Variants in SNTG2 observed in about 807,000 individuals in gnomAD.
The protein encoded by SNTG2 is gamma-2-syntrophin.
Under a neutral mutation model 70.9 loss-of-function variants are expected in SNTG2, and 74 were observed. The ratio of observed to expected loss-of-function variants is 1.04; its 90% CI spans 0.86 to 1.27. The LOEUF is 1.27. Among genes scored for constraint, SNTG2 ranks in the 50% most tolerant of loss-of-function variants. The pLI is 0.00. For missense variants in SNTG2, 717 were observed against 690.7 expected (o/e 1.04, Z -0.43); for synonymous variants, 278 against 273.8 (o/e 1.02, Z -0.15).
chr2:1,245,993 T>C (rs1053289116), intron 11 of SNTG2, among the ~76,000 whole-genome samples: 2 of 152,138 alleles, frequency 1.3e-5, no homozygotes, highest in Non-Finnish European at 2.9e-5. Flanking sequence ...TCGTCCTGTG[T>C]TACTGCAACA....
intron 12 of SNTG2, among the ~76,000 whole-genome samples, chr2:1,255,865 T>TATATATAA (rs869293852): frequency 2.6e-5 from 3 of 116,358 alleles, no homozygotes; most frequent in South Asian, 2.6e-4. Flanking sequence ...TATATATAAA[T>TATATATAA]ATATATAAAT....
At chr2:1,000,538 C>A (rs775220261) in intron 1 of SNTG2, among the ~76,000 whole-genome samples, 76 of 151,840 alleles carry the variant, frequency 5.0e-4, no homozygotes, top group African/African-American at 1.8e-3. Context: ...TACATAAATT[C>A]TTGGAAATAT....
At chr2:1,066,554 G>T (rs1296249328) in intron 1 of SNTG2, among the ~76,000 whole-genome samples, 1 of 151,912 alleles carries the variant, frequency 6.6e-6, no homozygotes, top group Non-Finnish European at 1.5e-5. Flanking sequence ...TTTTCTTGGT[G>T]CAAGTTTGGC....
At chr2:1,093,503 A>G (rs1293599700) in intron 2 of SNTG2, among the ~76,000 whole-genome samples, 1 of 152,196 alleles carries the variant, frequency 6.6e-6, no homozygotes, top group Non-Finnish European at 1.5e-5. Flanking sequence ...AGTTTTATAA[A>G]TCTTGGTTTG....
rs186989951 is a variant in SNTG2, at chr2:976,386, T to C, written c.72+25318T>C. Reference sequence around the variant, plus strand: ...TGTGATGAGCTTGAGTGGTTCTCTATGTGTACATTGTCTTTGGAATGATTG... The same window carrying C: ...TGTGATGAGCTTGAGTGGTTCTCTACGTGTACATTGTCTTTGGAATGATTG... On this transcript the variant is annotated intron_variant, in intron 1 of 16. Coordinates refer to ENST00000308624, the MANE Select transcript of SNTG2 (RefSeq NM_018968.4). 2.0e-4 allele frequency among the ~76,000 whole-genome samples: 30 copies of C among 152,318 alleles called. 1 individual carries two copies. In the South Asian group the frequency reaches 3.5e-3, roughly 18 times the overall value.
intron 1 of SNTG2, among the ~76,000 whole-genome samples, chr2:989,259 A>G (rs545119208): frequency 7.9e-5 from 12 of 152,302 alleles, no homozygotes; most frequent in Non-Finnish European, 1.5e-4. Context: ...GATCTCTAAT[A>G]AAATGTTAAA....
intron 8 of SNTG2, 38 bp from the exon 9 acceptor site, chr2:1,209,065 T>G: frequency 1.2e-6 from 2 of 1,609,528 alleles, no homozygotes; most frequent in South Asian, 1.1e-5. Context: ...CAGCCTCCTC[T>G]GCCTCTGTGA....
chr2:1,188,124 G>A (rs999521359), intron 8 of SNTG2, among the ~76,000 whole-genome samples: 2 of 152,212 alleles, frequency 1.3e-5, no homozygotes, highest in Non-Finnish European at 2.9e-5. Flanking sequence ...GACACAGCGT[G>A]CTGAAAACAA....
At chr2:1,308,024 G>T (rs758735756) in intron 14 of SNTG2, among the ~76,000 whole-genome samples, 1 of 152,184 alleles carries the variant, frequency 6.6e-6, no homozygotes, top group Non-Finnish European at 1.5e-5. Flanking sequence ...GCTTGGTGGC[G>T]GTGTAAATTG....
intron 16 of SNTG2, among the ~76,000 whole-genome samples, chr2:1,327,027 A>G (rs1269721201): frequency 3.9e-5 from 6 of 151,992 alleles, no homozygotes; most frequent in African/African-American, 1.2e-4. Context: ...TATATTTTTT[A>G]TATAAGAATA....
intron 4 of SNTG2, among the ~76,000 whole-genome samples, chr2:1,114,117 A>G (rs886944840): frequency 2.0e-5 from 3 of 151,192 alleles, no homozygotes; most frequent in Non-Finnish European, 4.4e-5. Flanking sequence ...CAGTCCTTTG[A>G]GGAGGATCGT....
At chr2:1,064,465 TTATATA>T (rs1370020001) in intron 1 of SNTG2, among the ~76,000 whole-genome samples, 1 of 150,878 alleles carries the variant, frequency 6.6e-6, no homozygotes, top group Non-Finnish European at 1.5e-5. Flanking sequence ...AATTTTAAGT[TTATATA>T]TATAAAAATA....
intron 8 of SNTG2, among the ~76,000 whole-genome samples, chr2:1,202,531 A>G (rs1673341590): frequency 6.6e-6 from 1 of 152,168 alleles, no homozygotes; most frequent in South Asian, 2.1e-4. Flanking sequence ...ATCCAGGGGA[A>G]CAAAAAGACC....
intron 16 of SNTG2, among the ~76,000 whole-genome samples, chr2:1,349,862 A>T (rs1660487515): frequency 6.6e-6 from 1 of 152,202 alleles, no homozygotes; most frequent in South Asian, 2.1e-4. Context: ...TTAGGGTAAA[A>T]GAATTATTAA....
chr2:1,141,952 T>A (rs1668781163), intron 6 of SNTG2, among the ~76,000 whole-genome samples: 1 of 12,672 alleles, frequency 7.9e-5, no homozygotes, highest in Non-Finnish European at 1.9e-4. Context: ...AGAGCCAGGG[T>A]CCAGCAGCAT....
chr2:1,246,706 T>A (rs1677451284), intron 11 of SNTG2, among the ~76,000 whole-genome samples: 1 of 147,282 alleles, frequency 6.8e-6, no homozygotes, highest in African/African-American at 2.5e-5. Flanking sequence ...AAATTTTAGA[T>A]AACATGGATT....
chr2:1,366,679 G>A (rs1661506331), intron 16 of SNTG2, among the ~76,000 whole-genome samples: 1 of 152,172 alleles, frequency 6.6e-6, no homozygotes, highest in Non-Finnish European at 1.5e-5. Context: ...CCGCCGTGCT[G>A]TGCACACTGC....
At chr2:985,801 G>A (rs7600786) in intron 1 of SNTG2, among the ~76,000 whole-genome samples, 59,420 of 151,786 alleles carry the variant, frequency 0.39, 11,981 homozygotes, top group Middle Eastern at 0.48. Context: ...TTCAGTTGGC[G>A]TAAATGTTTC....
intron 8 of SNTG2, among the ~76,000 whole-genome samples, chr2:1,187,464 C>T: frequency 6.6e-6 from 1 of 152,142 alleles, no homozygotes; most frequent in East Asian, 1.9e-4. Context: ...AAACTGCAGC[C>T]ACTTCCTGGG....
Sources: gnomAD v4.1 joint callset for allele counts (sites outside exome capture counted in the v4.1 genomes callset) on GRCh38, gnomAD v4.1.1 for gene constraint, MANE v1.5 for transcripts, NCBI Gene and HGNC (gene_info 2026-07-23, HGNC 2026-07-21) for gene names.